Variants in DCHS2 observed in about 807,000 individuals in gnomAD.
DCHS2 encodes protocadherin-23.
In DCHS2, 142 loss-of-function variants were observed where a neutral mutation model predicts 182.4. That is an observed-to-expected ratio of 0.78 (90% CI 0.68 to 0.89). The LOEUF (loss-of-function observed/expected upper bound fraction) is 0.89, where lower values mean the gene tolerates loss of function less well. Ranked by LOEUF, DCHS2 falls within the 40% of genes least tolerant of loss-of-function variation. The probability of loss-of-function intolerance (pLI) is 0.00; values close to 1 mark genes in which losing one functional copy is unlikely to be tolerated. For synonymous variants in DCHS2, 1,740 were observed against 1,663.3 expected, an observed-to-expected ratio of 1.05 and a Z score of -1.12; for missense variants, 4,319 against 4,198.6, an observed-to-expected ratio of 1.03 and a Z score of -0.79.
chr4:154,329,876 T>C (rs1179450278), intron 5 of DCHS2, among the ~76,000 whole-genome samples, 166 bp from the exon 6 acceptor site: 1 of 152,166 alleles, frequency 6.6e-6, no homozygotes, highest in Non-Finnish European at 1.5e-5. Flanking sequence ...AAAAATTTTC[T>C]CAAGTTGCTC....
chr4:154,284,300 C>G (rs776688624), intron 13 of DCHS2, among the ~76,000 whole-genome samples: 3 of 152,162 alleles, frequency 2.0e-5, no homozygotes, highest in Non-Finnish European at 4.4e-5. Flanking sequence ...ATGTTTTATT[C>G]TATTTTTGAC....
At chr4:154,240,498 G>A (rs983369246) in intron 18 of DCHS2, 39 bp downstream of exon 18, 2 of 1,598,336 alleles carry the variant, frequency 1.3e-6, no homozygotes, top group African/African-American at 2.7e-5. Flanking sequence ...ATTCTTTCTA[G>A]TTTTGGCTTT....
chr4:154,312,544 G>A (rs890655641), intron 10 of DCHS2, among the ~76,000 whole-genome samples: 1 of 152,098 alleles, frequency 6.6e-6, no homozygotes, highest in Non-Finnish European at 1.5e-5. Context: ...GCGAGATTCC[G>A]TCTGTATAAA....
At position 154,320,733 on chromosome 4, in the gene DCHS2, C is replaced by T. The variant is rs1485144129; in HGVS notation, c.4666G>A (p.Gly1556Ser). Residue 1556 changes from glycine (G) to serine (S), a missense_variant, in exon 9 of 20, where the codon GGC (glycine) becomes AGC (serine). Transcript: ENST00000357232. ...IQYYIESHNP[G>S]TNPFLIHPSF... is the part of the protein sequence containing the mutation. Reference sequence around the variant, plus strand: ...GGGTGGATGAGAAATGGATTCGTGCCAGGGTTGTGGGATTCAATGTAGTAT... The same window carrying T: ...GGGTGGATGAGAAATGGATTCGTGCTAGGGTTGTGGGATTCAATGTAGTAT... The T allele has an allele frequency of 6.2e-7, 1 of 1,614,022 alleles. No individual in the cohort carries two copies. The highest frequency in any genetic ancestry group is 8.5e-7 in the Non-Finnish European group (1 of 1,180,006).
chr4:154,432,897 G>A (rs1733615943), intron 1 of DCHS2, among the ~76,000 whole-genome samples: 2 of 152,280 alleles, frequency 1.3e-5, no homozygotes, highest in South Asian at 4.1e-4. Context: ...AGGGCCTTCA[G>A]CTTCTAGAGG....
rs549947193 is a variant in DCHS2 at position 154,271,073 on chromosome 4, G to T, written c.6464-1060C>A. 1.8e-3 allele frequency among the ~76,000 whole-genome samples: 268 copies of T among 152,284 alleles called. 1 individual carries two copies. Among genetic ancestry groups the T allele is most frequent in the Admixed American group, 2.6e-3 (39 of 15,278 alleles). On this transcript the variant is annotated intron_variant, in intron 13 of 19. Transcript: ENST00000357232. ...ACGGGAACAGACTAAATACCAACAT[G>T]AAAGAAGAATTAGCAAGGACTGATA...
At chr4:154,421,003 C>T (rs1389772698) in intron 1 of DCHS2, among the ~76,000 whole-genome samples, 1 of 152,028 alleles carries the variant, frequency 6.6e-6, no homozygotes, top group Non-Finnish European at 1.5e-5. Flanking sequence ...TATACACTAC[C>T]ATCATTGGAA....
intron 1 of DCHS2, among the ~76,000 whole-genome samples, chr4:154,404,924 C>A (rs1195792919): frequency 6.6e-6 from 1 of 152,164 alleles, no homozygotes; most frequent in Non-Finnish European, 1.5e-5. Flanking sequence ...TCACTCACAC[C>A]TCTACCCCCA....
intron 14 of DCHS2, among the ~76,000 whole-genome samples, chr4:154,263,860 C>T (rs1164966624): frequency 1.3e-5 from 2 of 152,074 alleles, no homozygotes; most frequent in Non-Finnish European, 2.9e-5. Flanking sequence ...GGATTACAAT[C>T]TGCAGCAACG....
At chr4:154,311,835 C>T (rs753942758) in intron 10 of DCHS2, among the ~76,000 whole-genome samples, 17 of 152,006 alleles carry the variant, frequency 1.1e-4, no homozygotes, top group Non-Finnish European at 2.1e-4. Context: ...AGAGAAAAAG[C>T]AGGTGAATAA....
intron 16 of DCHS2, among the ~76,000 whole-genome samples, chr4:154,252,853 T>C (rs1257975868): frequency 6.6e-6 from 1 of 152,150 alleles, no homozygotes; most frequent in Non-Finnish European, 1.5e-5. Flanking sequence ...GATTGTATGG[T>C]AGCTCTATTT....
chr4:154,375,841 C>T (rs536660947), intron 2 of DCHS2, among the ~76,000 whole-genome samples: 2 of 152,166 alleles, frequency 1.3e-5, no homozygotes, highest in East Asian at 1.9e-4. Context: ...ATACCACCAA[C>T]TATAGAACAG....
chr4:154,333,109 C>A lies in DCHS2; in HGVS notation c.3099G>T (p.Gly1033=). ...CCAGGCTGCCGTTGAGGAACAGCAC[C>A]CCCAGGGCTCTGTCGATGGCAAAGA... ...PGVFAIDRAL[G]VLFLNGSLGA... Residue 1033 remains glycine, a synonymous_variant, in exon 5 of 20, where the codon GGG becomes GGT. Transcript: ENST00000357232. The A allele has an allele frequency of 6.2e-7, 1 of 1,614,098 alleles. No individual in the cohort carries two copies. Among genetic ancestry groups the A allele is most frequent in the Non-Finnish European group, 8.5e-7 (1 of 1,180,034 alleles).
At chr4:154,446,000 A>G (rs1310337769) in intron 1 of DCHS2, among the ~76,000 whole-genome samples, 4 of 152,204 alleles carry the variant, frequency 2.6e-5, no homozygotes, top group African/African-American at 9.7e-5. Flanking sequence ...TACTGAATTT[A>G]TAGAAGATGA....
chr4:154,449,517 C>A (rs1343518047), intron 1 of DCHS2, among the ~76,000 whole-genome samples: 1 of 151,858 alleles, frequency 6.6e-6, no homozygotes, highest in Non-Finnish European at 1.5e-5. Context: ...ACTACAGGTG[C>A]GTGCCACCAC....
chr4:154,345,484 C>G (rs1729315914), intron 3 of DCHS2, among the ~76,000 whole-genome samples: 1 of 152,218 alleles, frequency 6.6e-6, no homozygotes, highest in South Asian at 2.1e-4. Context: ...CCAACGTCAC[C>G]TTGTTCACAT....
At position 154,242,914 on chromosome 4, in the gene DCHS2, C is replaced by T; in HGVS notation, c.6942-142G>A. The stretch of plus-strand genomic sequence containing the variant: ...TTCTCTTGGATTTTCTAAATGGCAT[C>T]ATTTAAAATGTATTTCATAAGAATG... On this transcript the variant is annotated intron_variant, in intron 16 of 19. Transcript: ENST00000357232. 3.1e-6 allele frequency: 4 copies of T among 1,276,218 alleles called. No individual in the cohort carries two copies. The South Asian group carries it at 7.0e-5, about 22-fold the overall frequency. 79.1% of individuals were successfully genotyped at this position (1,276,218 alleles called of 1,614,324 possible).
chr4:154,236,519 T>C lies in DCHS2; in HGVS notation c.8133A>G (p.Gly2711=), dbSNP rs1560971574. Residue 2711 remains glycine (G), a synonymous_variant, in exon 20 of 20, where the codon GGA becomes GGG. Transcript: ENST00000357232. The part of the protein sequence containing the change: ...IYNIISGNEK[G]HFYLEENTGV... ...CAGTGTTTTCTTCTAAGTAAAAATG[T>C]CCCTTCTCATTTCCAGAGATGATGT... is the stretch of plus-strand genomic sequence containing the variant. 6.2e-7 allele frequency: 1 copy of C among 1,614,042 alleles called. No homozygotes were observed. Among genetic ancestry groups the C allele is most frequent in the Non-Finnish European group, 8.5e-7 (1 of 1,179,972 alleles).
intron 7 of DCHS2, chr4:154,323,124 T>C: frequency 7.1e-7 from 1 of 1,415,494 alleles, no homozygotes; most frequent in East Asian, 2.5e-5. Context: ...ACTTGTATCC[T>C]GACATTTTCC....
Sources: gnomAD v4.1 joint callset for allele counts (sites outside exome capture counted in the v4.1 genomes callset) on GRCh38, gnomAD v4.1.1 for gene constraint, MANE v1.5 for transcripts, NCBI Gene and HGNC (gene_info 2026-07-23, HGNC 2026-07-21) for gene names.